Variants in PRKCB observed in about 807,000 individuals in gnomAD.
The protein encoded by PRKCB is protein kinase C beta type.
Under a neutral mutation model 81.5 loss-of-function variants are expected in PRKCB, and 13 were observed. That is an observed-to-expected ratio of 0.16 (90% CI 0.10 to 0.25). The LOEUF (loss-of-function observed/expected upper bound fraction) is 0.25, where lower values mean the gene tolerates loss of function less well. Ranked by LOEUF, PRKCB falls within the 10% of genes least tolerant of loss-of-function variation. PRKCB has a pLI of 1.00. For missense variants in PRKCB, 509 were observed against 875.7 expected, an observed-to-expected ratio of 0.58 and a Z score of 5.29; for synonymous variants, 335 against 321.4, an observed-to-expected ratio of 1.04 and a Z score of -0.45.
At chr16:24,096,666 A>AAATATATATATATAT (rs1406204037) in intron 7 of PRKCB, among the ~76,000 whole-genome samples, 1 of 32,698 alleles carries the variant, frequency 3.1e-5, no homozygotes. Flanking sequence ...AAAAAAAAAA[A>AAATATATATATATAT]ATATATATAT....
intron 2 of PRKCB, among the ~76,000 whole-genome samples, chr16:23,948,411 T>C (rs1327925401): frequency 6.6e-6 from 1 of 152,220 alleles, no homozygotes; most frequent in Non-Finnish European, 1.5e-5. Flanking sequence ...TGAATTCTTT[T>C]TTTAATTTTT....
chr16:24,056,007 G>C lies in PRKCB; in HGVS notation c.529+20460G>C, dbSNP rs367900534. Among the ~76,000 whole-genome samples the C allele has an allele frequency of 1.8e-4, 28 of 152,344 alleles. No individual in the cohort carries two copies. In the East Asian group the frequency reaches 5.0e-3, roughly 27 times the overall value. On this transcript the variant is annotated intron_variant, in intron 5 of 16. Coordinates refer to ENST00000643927, the MANE Select transcript of PRKCB (RefSeq NM_002738.7). The stretch of plus-strand genomic sequence containing the variant: ...CTTGCTCAAGGTCAACTGGGCTTCT[G>C]TGTGGCAGAACTGGAGTTTGGTCCC...
Position 24,217,294 on chromosome 16 carries a change from A to G in PRKCB, c.*2478A>G. On this transcript the variant is annotated 3_prime_UTR_variant, in exon 17 of 17. Transcript: ENST00000643927. ...CTCAAGCCAAAGTCTGTTTTAGAGA[A>G]ACTTTCCATGGAAAGTCAGAATTTC... 2.0e-6 allele frequency: 2 copies of G among 985,394 alleles called. No individual in the cohort carries two copies. 61.0% of individuals were successfully genotyped at this position (985,394 alleles called of 1,614,324 possible).
intron 10 of PRKCB, among the ~76,000 whole-genome samples, chr16:24,166,851 A>G (rs1369163278): frequency 1.3e-5 from 2 of 152,194 alleles, no homozygotes; most frequent in African/African-American, 2.4e-5. Context: ...CAGTTCAAAG[A>G]TGATAGATCT....
At chr16:23,882,451 C>G (rs548416334) in intron 2 of PRKCB, among the ~76,000 whole-genome samples, 1 of 152,282 alleles carries the variant, frequency 6.6e-6, no homozygotes, top group Non-Finnish European at 1.5e-5. Flanking sequence ...TCTCAAACTC[C>G]TGGCCTCAAG....
chr16:23,918,392 A>T (rs1304690904), intron 2 of PRKCB, among the ~76,000 whole-genome samples: 31 of 147,404 alleles, frequency 2.1e-4, no homozygotes, highest in African/African-American at 7.9e-4. Context: ...TATTATTATT[A>T]TTATTATTAT....
chr16:24,132,756 G>T (rs1462825289), intron 9 of PRKCB, among the ~76,000 whole-genome samples: 1 of 145,956 alleles, frequency 6.9e-6, no homozygotes, highest in Non-Finnish European at 1.5e-5. Context: ...TGATTTAGAT[G>T]TGTATGATTT....
Position 24,220,542 on chromosome 16 carries a change from GA to G in PRKCB, c.*5728del, listed in dbSNP as rs1968306793. On this transcript the variant is annotated 3_prime_UTR_variant, in exon 17 of 17. Coordinates refer to ENST00000643927, the MANE Select transcript of PRKCB (RefSeq NM_002738.7). ...TGTGAGTAAGCTTTGCAGTTACTGT[GA>G]ACTATTGTCTCTTGGAGGAAGTTTT... 6.4e-6 allele frequency: 1 copy of G among 155,906 alleles called. No individual in the cohort carries two copies. The highest frequency in any genetic ancestry group is 1.4e-5 in the Non-Finnish European group (1 of 70,402). 9.7% of individuals were successfully genotyped at this position (155,906 alleles called of 1,614,324 possible). A position where few individuals can be genotyped will look rare whatever the true frequency, so the allele number is the denominator to read the frequency against.
chr16:24,082,734 A>G (rs1966266127), intron 5 of PRKCB, among the ~76,000 whole-genome samples: 1 of 152,154 alleles, frequency 6.6e-6, no homozygotes, highest in Admixed American at 6.5e-5. Context: ...AGCAAAATAT[A>G]AAGGTATAAA....
At chr16:23,910,515 G>A (rs113606749) in intron 2 of PRKCB, among the ~76,000 whole-genome samples, 3 of 152,076 alleles carry the variant, frequency 2.0e-5, no homozygotes, top group Non-Finnish European at 4.4e-5. Flanking sequence ...CAGGTCTCAG[G>A]CTCGGGCCGT....
intron 13 of PRKCB, among the ~76,000 whole-genome samples, chr16:24,181,624 G>T (rs1325244010): frequency 6.6e-6 from 1 of 151,700 alleles, no homozygotes; most frequent in East Asian, 1.9e-4. Context: ...AAAATTAGCC[G>T]GGTGTGGTGG....
At chr16:23,938,661 T>C (rs911105316) in intron 2 of PRKCB, among the ~76,000 whole-genome samples, 1 of 152,234 alleles carries the variant, frequency 6.6e-6, no homozygotes, top group African/African-American at 2.4e-5. Context: ...TATCATCTTT[T>C]ATTGGTTTTA....
chr16:23,999,782 C>G (rs1192081814), intron 3 of PRKCB, among the ~76,000 whole-genome samples: 1 of 152,218 alleles, frequency 6.6e-6, no homozygotes, highest in Admixed American at 6.5e-5. Flanking sequence ...GGAGTTGTCT[C>G]TGAGGGTTGG....
chr16:24,132,885 A>T (rs938410979), intron 9 of PRKCB, among the ~76,000 whole-genome samples: 1 of 150,626 alleles, frequency 6.6e-6, no homozygotes, highest in Non-Finnish European at 1.5e-5. Flanking sequence ...GGCTCAAGTG[A>T]TCTGCCTGCC....
At chr16:24,076,708 T>A (rs1966181918) in intron 5 of PRKCB, among the ~76,000 whole-genome samples, 1 of 152,064 alleles carries the variant, frequency 6.6e-6, no homozygotes, top group South Asian at 2.1e-4. Context: ...ACTGTTTGAG[T>A]CACAGAAGGA....
intron 16 of PRKCB, among the ~76,000 whole-genome samples, chr16:24,195,298 C>A (rs531486421): frequency 2.9e-4 from 44 of 152,318 alleles, no homozygotes; most frequent in Admixed American, 1.2e-3. Flanking sequence ...CTCCTCCCCC[C>A]AATCCCAGGA....
At chr16:24,102,326 GTCC>G (rs1363153516) in intron 7 of PRKCB, among the ~76,000 whole-genome samples, 1 of 152,208 alleles carries the variant, frequency 6.6e-6, no homozygotes, top group Non-Finnish European at 1.5e-5. Context: ...GCAGATAAAA[GTCC>G]TCCTCAGATT....
At position 24,109,332 on chromosome 16, in the gene PRKCB, C is replaced by T. The variant is rs7202181; in HGVS notation, c.822-3641C>T. Among the ~76,000 whole-genome samples the T allele has an allele frequency of 4.8e-3, 422 of 87,022 alleles. 10 individuals are homozygous for T. Among genetic ancestry groups the T allele is most frequent in the African/African-American group, 0.023 (392 of 16,758 alleles). The allele number at this position is 87,022 out of a possible 152,430, so 57.1% of individuals were successfully genotyped here. On this transcript the variant is annotated intron_variant, in intron 7 of 16. Coordinates refer to ENST00000643927, the MANE Select transcript of PRKCB (RefSeq NM_002738.7). ...GGATGGGGTGGCTGCCGGGCGGAGA[C>T]GCTCCTCACTTCCCAGACGGGGCGG... is the stretch of plus-strand genomic sequence containing the variant.
chr16:23,867,859 C>A (rs1962834249), intron 2 of PRKCB, among the ~76,000 whole-genome samples: 1 of 152,252 alleles, frequency 6.6e-6, no homozygotes, highest in African/African-American at 2.4e-5. Flanking sequence ...TCCCTGTTAG[C>A]CAAACACTTC....
Sources: allele counts gnomAD v4.1 joint callset (sites outside exome capture counted in the v4.1 genomes callset), GRCh38; gene constraint gnomAD v4.1.1; transcripts MANE v1.5; gene names NCBI Gene and HGNC (gene_info 2026-07-23, HGNC 2026-07-21).